PCNT: variants seen among roughly 807,000 people sequenced by gnomAD.
The protein encoded by PCNT is pericentrin.
In PCNT, 319 loss-of-function variants were observed where a neutral mutation model predicts 380.4. The ratio of observed to expected loss-of-function variants is 0.84; its 90% CI spans 0.77 to 0.92. The LOEUF is 0.92. PCNT is among the 40% of genes least tolerant of loss of function. The pLI, the probability that PCNT is intolerant of heterozygous loss-of-function variation, is 0.00. For missense variants in PCNT, 4,400 were observed against 4,255.3 expected, an observed-to-expected ratio of 1.03 and a Z score of -0.95; for synonymous variants, 1,845 against 1,735.2, an observed-to-expected ratio of 1.06 and a Z score of -1.57.
At position 46,431,957 on chromosome 21, in the gene PCNT, G is replaced by A. The variant is rs756210658; in HGVS notation, c.8493G>A (p.Glu2831=). The change falls in exon 38 of 47, where the codon GAG becomes GAA. Residue 2831 remains glutamate (E), a synonymous_variant. Coordinates refer to ENST00000359568, the MANE Select transcript of PCNT (RefSeq NM_006031.6). ...AGGCTGAGGCTCAGAAGCACTGTGA[G>A]GCGCTCAGGAGAGAGAAGGAGGTAA... The part of the protein sequence containing the change: ...QLEAEAQKHC[E]ALRREKEVSA... The A allele has an allele frequency of 1.2e-6, 2 of 1,614,012 alleles. No individual in the cohort carries two copies. The highest frequency in any genetic ancestry group is 1.3e-5 in the African/African-American group (1 of 75,058).
chr21:46,411,837 C>T lies in PCNT; in HGVS notation c.5764C>T (p.Leu1922Phe). 6.4e-7 allele frequency: 1 copy of T among 1,562,600 alleles called. No individual in the cohort carries two copies. The highest frequency in any genetic ancestry group is 8.6e-7 in the Non-Finnish European group (1 of 1,159,620). ...GGCGGCGCCTCCCGAGCTGCAGTGG[C>T]TCCGAGCGCAGTGTGCCCGCCTCAG... The part of the protein sequence containing the change: ...AGAAPPELQW[L>F]RAQCARLSRQ... The change falls in exon 28 of 47, where the codon CTC becomes TTC. Residue 1922 changes from leucine (L) to phenylalanine (F), a missense_variant. Physicochemically the swap from Leu to Phe is conservative, Grantham distance 22. Transcript: ENST00000359568.
intron 38 of PCNT, among the ~76,000 whole-genome samples, chr21:46,432,867 C>T (rs2300562): frequency 0.36 from 55,051 of 152,014 alleles, 10,670 homozygotes; most frequent in Middle Eastern, 0.5. Flanking sequence ...GTGATCCGCC[C>T]GCCTGGGCCT....
chr21:46,351,628 T>C, intron 9 of PCNT, 88 bp downstream of exon 9: 1 of 850,916 alleles, frequency 1.2e-6, no homozygotes, highest in South Asian at 1.3e-5. Context: ...AATTTAACAA[T>C]TCTAGCAAAC....
intron 34 of PCNT, 134 bp downstream of exon 34, chr21:46,427,929 T>G: frequency 1.0e-6 from 1 of 969,288 alleles, no homozygotes; most frequent in East Asian, 2.6e-5. Flanking sequence ...TGGCTGTCAC[T>G]TACCCAGGTG....
chr21:46,329,077 A>G (rs1194263915), intron 2 of PCNT, among the ~76,000 whole-genome samples: 2 of 152,238 alleles, frequency 1.3e-5, no homozygotes, highest in Non-Finnish European at 2.9e-5. Context: ...CCTGGCCTGC[A>G]TAGACGTTTT....
In PCNT at chr21:46,366,499, C is replaced by A; in HGVS notation, c.2610-85C>A. On this transcript the variant is annotated intron_variant, in intron 14 of 46. Transcript: ENST00000359568. ...GACCTGAACAGTTGAAGTGGCATTTCCTGTGGGAAACTGACTTGGCTTTTG... is the reference window on the plus strand; with the variant it reads ...GACCTGAACAGTTGAAGTGGCATTTACTGTGGGAAACTGACTTGGCTTTTG... 3.6e-6 allele frequency: 4 copies of A among 1,119,846 alleles called. No homozygotes were observed. In the Admixed American group the frequency reaches 6.8e-5, roughly 19 times the overall value. The allele number at this position is 1,119,846 out of a possible 1,614,324, so 69.4% of individuals were successfully genotyped here. A position where few individuals can be genotyped will look rare whatever the true frequency, so the allele number is the denominator to read the frequency against.
chr21:46,353,068 A>G, intron 9 of PCNT, 36 bp from the exon 10 acceptor site: 2 of 1,576,184 alleles, frequency 1.3e-6, no homozygotes, highest in South Asian at 2.2e-5. Flanking sequence ...TGGGTGTCCC[A>G]TTTTAAGACG....
At chr21:46,420,785 G>A (rs1288828262) in intron 31 of PCNT, 1 of 152,448 alleles carries the variant, frequency 6.6e-6, no homozygotes, top group South Asian at 2.1e-4. Flanking sequence ...CCTGGTACAC[G>A]CTGTGGGAGC....
chr21:46,362,286 G>C (rs555673457), intron 13 of PCNT, among the ~76,000 whole-genome samples: 1 of 152,320 alleles, frequency 6.6e-6, no homozygotes, highest in South Asian at 2.1e-4. Context: ...GGCTCAGTGA[G>C]GGATTTGGGA....
At chr21:46,335,083 T>C (rs1262418634) in intron 3 of PCNT, among the ~76,000 whole-genome samples, 1 of 152,206 alleles carries the variant, frequency 6.6e-6, no homozygotes, top group Admixed American at 6.5e-5. Flanking sequence ...CTTCATAAGT[T>C]TGAGGAATGT....
chr21:46,359,485 TTTTTTG>T (rs1316139016), intron 13 of PCNT, among the ~76,000 whole-genome samples: 4,250 of 86,756 alleles, frequency 0.049, 831 homozygotes, highest in Non-Finnish European at 0.084. Context: ...CACCTGTTTT[TTTTTTG>T]TTTTTTTTTT....
intron 3 of PCNT, among the ~76,000 whole-genome samples, chr21:46,338,841 C>T (rs2146431161): frequency 6.6e-6 from 1 of 151,750 alleles, no homozygotes; most frequent in Middle Eastern, 3.4e-3. Flanking sequence ...AGTGCAGTGG[C>T]CCATTCTCAG....
At chr21:46,373,028 G>A (rs1199617233) in intron 15 of PCNT, among the ~76,000 whole-genome samples, 1 of 152,196 alleles carries the variant, frequency 6.6e-6, no homozygotes, top group Non-Finnish European at 1.5e-5. Context: ...GACTGTTGTT[G>A]TTGTTGTTTT....
intron 34 of PCNT, 94 bp downstream of exon 34, chr21:46,427,889 G>A: frequency 7.2e-7 from 1 of 1,397,052 alleles, no homozygotes; most frequent in Non-Finnish European, 1.0e-6. Flanking sequence ...GTGAATTTCG[G>A]TTTGTGTGTT....
intron 3 of PCNT, 144 bp downstream of exon 3, chr21:46,334,912 A>G: frequency 7.4e-7 from 1 of 1,352,664 alleles, no homozygotes; most frequent in Non-Finnish European, 1.0e-6. Flanking sequence ...AGCTGGAGGC[A>G]GAGGCTCACC....
Position 46,416,697 on chromosome 21 carries a change from T to C in PCNT, c.6779T>C (p.Leu2260Pro). The change falls in exon 30 of 47, where the codon CTG (leucine) becomes CCG (proline). Residue 2260 changes from leucine (L) to proline (P), a missense_variant. Physicochemically the swap from Leu to Pro is moderately conservative, Grantham distance 98. Coordinates refer to ENST00000359568, the MANE Select transcript of PCNT (RefSeq NM_006031.6). ...ALSLCSADTS[L>P]GDRADTSLPQ... ...AGCCTGTGCAGTGCCGACACATCCC[T>C]GGGGGACAGGGCGGACACCTCGCTG... 1 of 1,568,454 alleles carries C rather than the reference T, an allele frequency of 6.4e-7. No individual in the cohort carries two copies. Among genetic ancestry groups the C allele is most frequent in the Non-Finnish European group, 8.6e-7 (1 of 1,156,660 alleles).
chr21:46,339,126 G>A (rs575363559), intron 3 of PCNT, among the ~76,000 whole-genome samples: 2 of 152,302 alleles, frequency 1.3e-5, no homozygotes, highest in Admixed American at 1.3e-4. Context: ...ATGTTGGCCA[G>A]GCTGATCTCG....
At chr21:46,398,985 A>G (rs1286252120) in intron 24 of PCNT, among the ~76,000 whole-genome samples, 1 of 151,694 alleles carries the variant, frequency 6.6e-6, no homozygotes, top group African/African-American at 2.4e-5. Flanking sequence ...ACACCCCGCT[A>G]ATTTTTTGTA....
chr21:46,329,283 C>G (rs2083482570), intron 2 of PCNT, among the ~76,000 whole-genome samples: 1 of 152,186 alleles, frequency 6.6e-6, no homozygotes, highest in Non-Finnish European at 1.5e-5. Flanking sequence ...GTTTCTAACT[C>G]TGCTATTTGA....
Sources: gnomAD v4.1 joint callset for allele counts (sites outside exome capture counted in the v4.1 genomes callset) on GRCh38, gnomAD v4.1.1 for gene constraint, MANE v1.5 for transcripts, NCBI Gene and HGNC (gene_info 2026-07-23, HGNC 2026-07-21) for gene names.